ACADVL: variants seen among roughly 807,000 people sequenced by gnomAD.
ACADVL encodes very long-chain acyl-CoA dehydrogenase, mitochondrial.
ACADVL carries 73 observed loss-of-function variants against 80.4 expected under a neutral mutation model. The ratio of observed to expected loss-of-function variants is 0.91; its 90% CI spans 0.75 to 1.10. The LOEUF is 1.10. Ranked by LOEUF, ACADVL falls within the 50% of genes least tolerant of loss-of-function variation. The pLI is 0.00. For synonymous variants in ACADVL, 392 were observed against 326.5 expected (o/e 1.20, Z -2.16); for missense variants, 878 against 858.9 (o/e 1.02, Z -0.28).
intron 9 of ACADVL, 72 bp downstream of exon 9, chr17:7,222,374 A>G: frequency 6.3e-7 from 1 of 1,585,328 alleles, no homozygotes; most frequent in South Asian, 1.1e-5. Context: ...TGGCTGTTGC[A>G]AGTCACCCTG....
rs1053495337 is a variant in ACADVL, at chr17:7,222,545, G to A, written c.879-122G>A. 13 of 1,211,140 alleles carry A rather than the reference G, an allele frequency of 1.1e-5. No individual in the cohort carries two copies. In the African/African-American group the frequency reaches 1.2e-4, roughly 11 times the overall value. The allele number at this position is 1,211,140 out of a possible 1,614,324, so 75.0% of individuals were successfully genotyped here. On this transcript the variant is annotated intron_variant, in intron 9 of 19. Coordinates refer to ENST00000356839, the MANE Select transcript of ACADVL (RefSeq NM_000018.4). ...CAGGGCCTGAGGGGAAGTGGTGGCTGTAGCCTCTAATAGTCTAGTGGTCGT... is the reference window on the plus strand; with the variant it reads ...CAGGGCCTGAGGGGAAGTGGTGGCTATAGCCTCTAATAGTCTAGTGGTCGT...
upstream of ACADVL, chr17:7,218,469 G>C: frequency 6.8e-7 from 1 of 1,471,990 alleles, no homozygotes; most frequent in Non-Finnish European, 9.3e-7. Context: ...TGATCTCTGG[G>C]CTCCCAAACA....
rs201085520 is a variant in ACADVL, at chr17:7,220,654, T to C, written c.255T>C (p.Asp85=). The change falls in exon 4 of 20, where the codon GAT becomes GAC. Residue 85 remains aspartate (D), a synonymous_variant. Transcript: ENST00000356839. ...TGTTCAAAGGCCAGCTCACCACAGATCAGGTGTTCCCATACCCGTCCGGTA... is the reference window on the plus strand; with the variant it reads ...TGTTCAAAGGCCAGCTCACCACAGACCAGGTGTTCCCATACCCGTCCGGTA... ...VGMFKGQLTT[D]QVFPYPSVLN... The C allele has an allele frequency of 1.2e-5, 20 of 1,614,120 alleles. No homozygotes were observed. Among genetic ancestry groups the C allele is most frequent in the Middle Eastern group, 1.6e-4 (1 of 6,062 alleles).
At position 7,221,698 on chromosome 17, in the gene ACADVL, G is replaced by A. The variant is rs1784449408; in HGVS notation, c.622+16G>A. 1 of 1,613,372 alleles carries A rather than the reference G, an allele frequency of 6.2e-7. No homozygotes were observed. The highest frequency in any genetic ancestry group is 1.3e-5 in the African/African-American group (1 of 74,934). Reference sequence around the variant, plus strand: ...CTGGCATCTGGTGAGGCAACCCTAGGAGAGCCAGGGATTGGGGGGCACACT... The same window carrying A: ...CTGGCATCTGGTGAGGCAACCCTAGAAGAGCCAGGGATTGGGGGGCACACT... On this transcript the variant is annotated intron_variant, in intron 7 of 19. Coordinates refer to ENST00000356839, the MANE Select transcript of ACADVL (RefSeq NM_000018.4).
upstream of ACADVL, chr17:7,218,129 G>T: frequency 9.9e-7 from 1 of 1,006,368 alleles, no homozygotes; most frequent in Non-Finnish European, 1.5e-6. Flanking sequence ...CACTGACTCA[G>T]GCTTTTGTCA....
At position 7,223,026 on chromosome 17, in the gene ACADVL, C is replaced by A. The variant is rs998022125; in HGVS notation, c.1078-107C>A. The A allele has an allele frequency of 8.9e-6, 13 of 1,456,464 alleles. No individual in the cohort carries two copies. In the African/African-American group the frequency reaches 1.8e-4, roughly 20 times the overall value. The allele number at this position is 1,456,464 out of a possible 1,614,324, so 90.2% of individuals were successfully genotyped here. On this transcript the variant is annotated intron_variant, in intron 10 of 19. Coordinates refer to ENST00000356839, the MANE Select transcript of ACADVL (RefSeq NM_000018.4). ...AGGTCTCCATCCAGCGTAGACTGAA[C>A]TCTGGTTGTATGCAAAACCCATCCC...
chr17:7,224,008 T>TC lies in ACADVL; in HGVS notation c.1375dup (p.Arg459ProfsTer4), dbSNP rs796051916. 1.5e-5 allele frequency: 25 copies of TC among 1,614,162 alleles called. No homozygotes were observed. Among genetic ancestry groups the TC allele is most frequent in the Non-Finnish European group, 1.9e-5 (22 of 1,180,028 alleles). On this transcript the variant is annotated frameshift_variant, in exon 14 of 20. Coordinates refer to ENST00000356839, the MANE Select transcript of ACADVL (RefSeq NM_000018.4). LOFTEE classifies it high-confidence loss of function. The stretch of plus-strand genomic sequence containing the variant: ...CGTGTGCTCCGAGATCTTCGCATCT[T>TC]CCGGATCTTTGAGGGGACAAATGAC...
chr17:7,219,115 A>G (rs1369856629), upstream of ACADVL: 1 of 541,666 alleles, frequency 1.8e-6, no homozygotes, highest in Non-Finnish European at 3.3e-6. Context: ...GCAGCTCAAA[A>G]AGAAGCTGAG....
rs1217344032 is a variant in ACADVL at position 7,224,230 on chromosome 17, A to G, written c.1519A>G (p.Lys507Glu). 2 of 1,614,016 alleles carry G rather than the reference A, an allele frequency of 1.2e-6. No individual in the cohort carries two copies. The highest frequency in any genetic ancestry group is 2.2e-5 in the East Asian group (1 of 44,886). ...TGGCCTCCTGCTAGGAGAGGCAGGCAAACAGCTGAGGCGGTAGGCTTAGGG... is the reference window on the plus strand; with the variant it reads ...TGGCCTCCTGCTAGGAGAGGCAGGCGAACAGCTGAGGCGGTAGGCTTAGGG... ...NAGLLLGEAG[K>E]QLRRRAGLGS... The change falls in exon 15 of 20, where the codon AAA (lysine) becomes GAA (glutamate). Residue 507 changes from lysine to glutamate, a missense_variant. Physicochemically the swap from Lys to Glu is moderately conservative, Grantham distance 56 (BLOSUM62 1). Transcript: ENST00000356839.
chr17:7,220,589 C>T lies in ACADVL; in HGVS notation c.205-15C>T, dbSNP rs1567560898. 12 of 1,614,090 alleles carry T rather than the reference C, an allele frequency of 7.4e-6. No homozygotes were observed. Among genetic ancestry groups the T allele is most frequent in the Admixed American group, 1.7e-5 (1 of 60,008 alleles). The stretch of plus-strand genomic sequence containing the variant: ...GACCCAACCAGAGCCCTGAAATTTG[C>T]CTCTCTCTGCCCAGGAATCTAAGTC... On this transcript the variant is annotated splice_polypyrimidine_tract_variant and intron_variant, in intron 3 of 19. Coordinates refer to ENST00000356839, the MANE Select transcript of ACADVL (RefSeq NM_000018.4).
In ACADVL at chr17:7,220,846, G is replaced by T; in HGVS notation, c.342+16G>T. 6.2e-7 allele frequency: 1 copy of T among 1,614,096 alleles called. No individual in the cohort carries two copies. Among genetic ancestry groups the T allele is most frequent in the Non-Finnish European group, 8.5e-7 (1 of 1,180,046 alleles). On this transcript the variant is annotated intron_variant, in intron 5 of 19. Transcript: ENST00000356839. ...TTTCTTCGAGGTAAGGAATGACTCG[G>T]GGCTTGGTCCCTGGTGAGGTGTTTG...
At position 7,222,207 on chromosome 17, in the gene ACADVL, C is replaced by T. The variant is rs1309345559; in HGVS notation, c.783C>T (p.Val261=). ...SNGGLADIFT[V]FAKTPVTDPA... is the part of the protein sequence containing the mutation. ...GGGGCCTAGCAGACATCTTCACGGT[C>T]TTTGCCAAGACACCAGTTACAGATC... Residue 261 remains valine (V), a synonymous_variant, in exon 9 of 20, where the codon GTC becomes GTT. Coordinates refer to ENST00000356839, the MANE Select transcript of ACADVL (RefSeq NM_000018.4). 2.5e-6 allele frequency: 4 copies of T among 1,614,122 alleles called. No homozygotes were observed. The highest frequency in any genetic ancestry group is 2.2e-5 in the South Asian group (2 of 91,082).
Position 7,222,239 on chromosome 17 carries a change from C to T in ACADVL, c.815C>T (p.Thr272Ile). The T allele has an allele frequency of 6.2e-7, 1 of 1,614,090 alleles. No individual in the cohort carries two copies. The highest frequency in any genetic ancestry group is 8.5e-7 in the Non-Finnish European group (1 of 1,180,022). ...FAKTPVTDPA[T>I]GAVKEKITAF... is the part of the protein sequence containing the mutation. ...AAGACACCAGTTACAGATCCAGCCA[C>T]AGGAGCCGTGAAGGAGAAGATCACA... is the stretch of plus-strand genomic sequence containing the variant. The change falls in exon 9 of 20, where the codon ACA becomes ATA. Residue 272 changes from threonine to isoleucine, a missense_variant. Transcript: ENST00000356839.
In ACADVL at chr17:7,224,313, C is replaced by G; in HGVS notation, c.1533-8C>G. On this transcript the variant is annotated splice_polypyrimidine_tract_variant and splice_region_variant and intron_variant, in intron 15 of 19. Coordinates refer to ENST00000356839, the MANE Select transcript of ACADVL (RefSeq NM_000018.4). ...CAACTAACCAGTCATTCTCCCTCTT[C>G]CTCTCAGGCGGGCAGGGCTGGGCAG... The G allele has an allele frequency of 6.2e-7, 1 of 1,613,826 alleles. No individual in the cohort carries two copies. Among genetic ancestry groups the G allele is most frequent in the Non-Finnish European group, 8.5e-7 (1 of 1,180,016 alleles).
At chr17:7,218,125 C>A, upstream of ACADVL, 1 of 962,762 alleles carries the variant, frequency 1.0e-6, no homozygotes, top group Non-Finnish European at 1.6e-6. Context: ...GGGCCACTGA[C>A]TCAGGCTTTT....
chr17:7,222,117 C>G lies in ACADVL; in HGVS notation c.752+36C>G, dbSNP rs2071260518. On this transcript the variant is annotated intron_variant, in intron 8 of 19. Coordinates refer to ENST00000356839, the MANE Select transcript of ACADVL (RefSeq NM_000018.4). ...TCCCATTTCTCCCCTTCTCCTCCGC[C>G]CAATTCCAGGCCCCACTGCTCCCCG... is the stretch of plus-strand genomic sequence containing the variant. The G allele has an allele frequency of 3.7e-6, 6 of 1,614,046 alleles. No homozygotes were observed. The East Asian group carries it at 1.3e-4, about 36-fold the overall frequency.
chr17:7,223,783 A>C (rs2071343644), intron 12 of ACADVL, 30 bp from the exon 13 acceptor site: 1 of 1,614,002 alleles, frequency 6.2e-7, no homozygotes, highest in Non-Finnish European at 8.5e-7. Flanking sequence ...TCAGCTCCCA[A>C]AACCAGTCTC....
In ACADVL at chr17:7,220,059, CAA is replaced by C. The variant is rs1218167966; in HGVS notation, c.62+14_62+15del. 1 of 1,601,808 alleles carries C rather than the reference CAA, an allele frequency of 6.2e-7. No individual in the cohort carries two copies. Among genetic ancestry groups the C allele is most frequent in the Admixed American group, 1.7e-5 (1 of 59,678 alleles). ...TCGGGGGCGGAAGGTCTGTGTGTGA[CAA>C]GAGGGACGGTGGGCAGCGGCCCTGG... On this transcript the variant is annotated intron_variant, in intron 1 of 19. Coordinates refer to ENST00000356839, the MANE Select transcript of ACADVL (RefSeq NM_000018.4).
At chr17:7,222,987 C>CGACTTGCTAGCTTAGG in intron 10 of ACADVL, 122 bp downstream of exon 10, 1 of 1,452,210 alleles carries the variant, frequency 6.9e-7, no homozygotes, top group Non-Finnish European at 9.5e-7. Context: ...ACCAGCAGCC[C>CGACTTGCTAGCTTAGG]GACTTGCTAG....
Sources: gnomAD v4.1 joint callset for allele counts on GRCh38, gnomAD v4.1.1 for gene constraint, MANE v1.5 for transcripts, NCBI Gene and HGNC (gene_info 2026-07-23, HGNC 2026-07-21) for gene names.